The following ALG10B variants were observed in gnomAD, a reference collection of about 807,000 sequenced individuals.
ALG10B encodes the protein ALG10 alpha-1,2-glucosyltransferase B, also known as dol-P-Glc:Glc(2)Man(9)GlcNAc(2)-PP-Dol alpha-1,2-glucosyltransferase B.
ALG10B carries 27 observed loss-of-function variants against 38.7 expected under a neutral mutation model. The observed-to-expected ratio is 0.70, with a 90% confidence interval of 0.51 to 0.96. The LOEUF (loss-of-function observed/expected upper bound fraction) is 0.96. ALG10B is among the 40% of genes least tolerant of loss of function. The pLI, the probability that ALG10B is intolerant of heterozygous loss-of-function variation, is 0.00. For synonymous variants in ALG10B, 177 were observed against 193.3 expected (o/e 0.92, Z 0.70); for missense variants, 522 against 542.7 (o/e 0.96, Z 0.38).
At position 38,316,916 on chromosome 12, in the gene ALG10B, G is replaced by T; in HGVS notation, c.23G>T (p.Cys8Phe). 1 of 1,614,206 alleles carries T rather than the reference G, an allele frequency of 6.2e-7. No homozygotes were observed. Among genetic ancestry groups the T allele is most frequent in the African/African-American group, 1.3e-5 (1 of 75,060 alleles). The change falls in exon 1 of 3, where the codon TGT (cysteine) becomes TTT (phenylalanine). Residue 8 changes from cysteine (C) to phenylalanine (F), a missense_variant. Physicochemically the swap from Cys to Phe is radical, Grantham distance 205 (BLOSUM62 -2). Coordinates refer to ENST00000308742, the MANE Select transcript of ALG10B (RefSeq NM_001013620.4). ...GGAATGGCGCAGCTAGAGGGTTACT[G>T]TTTCTCGGCCGCCTTGAGCTGTACC... MAQLEGY[C>F]FSAALSCTFL...
chr12:38,317,891 C>G (rs1272270314), intron 1 of ALG10B: 1 of 325,162 alleles, frequency 3.1e-6, no homozygotes, highest in Non-Finnish European at 5.9e-6. Context: ...CAGCTGTCAT[C>G]ATGGAGCCTG....
chr12:38,329,038 A>G lies in ALG10B; in HGVS notation c.*7825A>G, dbSNP rs1423511448. ...CAGGCAGCCTGACTCCAAAATCAAT[A>G]TTCTTAACTCTATTGTTATGATGGA... On this transcript the variant is annotated 3_prime_UTR_variant, in exon 3 of 3. Coordinates refer to ENST00000308742, the MANE Select transcript of ALG10B (RefSeq NM_001013620.4). 2.5e-6 allele frequency: 1 copy of G among 394,604 alleles called. No individual in the cohort carries two copies. Among genetic ancestry groups the G allele is most frequent in the Non-Finnish European group, 4.5e-6 (1 of 224,044 alleles). 24.4% of individuals were successfully genotyped at this position (394,604 alleles called of 1,614,324 possible).
rs775066889 is a variant in ALG10B at position 38,317,072 on chromosome 12, G to C, written c.171+8G>C. On this transcript the variant is annotated splice_region_variant and intron_variant, in intron 1 of 2. Transcript: ENST00000308742. ...CATTTCTCCCTTTCCCAGGTGGGGT[G>C]CCCAACCTGTCCCCACCCCAGGAGA... 10 of 1,614,060 alleles carry C rather than the reference G, an allele frequency of 6.2e-6. No individual in the cohort carries two copies. The highest frequency in any genetic ancestry group is 3.3e-5 in the South Asian group (3 of 91,082).
In ALG10B at chr12:38,321,069, G is replaced by A; in HGVS notation, c.1278G>A (p.Arg426=). 6.2e-7 allele frequency: 1 copy of A among 1,613,724 alleles called. No individual in the cohort carries two copies. Among genetic ancestry groups the A allele is most frequent in the South Asian group, 1.1e-5 (1 of 91,046 alleles). ...TCATTTTACCTTATGTCATTTATAGGCTTAACATAACTCTGCCTCCCACAT... is the reference window on the plus strand; with the variant it reads ...TCATTTTACCTTATGTCATTTATAGACTTAACATAACTCTGCCTCCCACAT... ...RYFILPYVIY[R]LNITLPPTSR... is the part of the protein sequence containing the mutation. The change falls in exon 3 of 3, where the codon AGG becomes AGA. Residue 426 remains arginine, a synonymous_variant. Coordinates refer to ENST00000308742, the MANE Select transcript of ALG10B (RefSeq NM_001013620.4).
chr12:38,318,486 T>C (rs367759246), intron 2 of ALG10B, 28 bp downstream of exon 2: 38 of 1,595,932 alleles, frequency 2.4e-5, no homozygotes. Flanking sequence ...TAATTACAAG[T>C]TTATGTGTAG....
At chr12:38,317,275 G>A in intron 1 of ALG10B, 1 of 739,730 alleles carries the variant, frequency 1.4e-6, no homozygotes, top group East Asian at 2.8e-5. Context: ...CTGATCCCCA[G>A]GGAGGAGTGA....
Position 38,323,960 on chromosome 12 carries a change from A to G in ALG10B, c.*2747A>G. The G allele has an allele frequency of 1.4e-6, 1 of 701,334 alleles. No individual in the cohort carries two copies. The allele number at this position is 701,334 out of a possible 1,614,324, so 43.4% of individuals were successfully genotyped here. On this transcript the variant is annotated 3_prime_UTR_variant, in exon 3 of 3. Transcript: ENST00000308742. ...TTCCACTCTGATCTAGTCTGGCAAAATTGAGGAAAATATTCTACCCTGTAA... is the reference window on the plus strand; with the variant it reads ...TTCCACTCTGATCTAGTCTGGCAAAGTTGAGGAAAATATTCTACCCTGTAA...
Position 38,329,682 on chromosome 12 carries a change from GTTT to G in ALG10B, c.*8472_*8474del, listed in dbSNP as rs1400771640. The G allele has an allele frequency of 6.7e-6, 1 of 149,686 alleles. No individual in the cohort carries two copies. Among genetic ancestry groups the G allele is most frequent in the South Asian group, 2.1e-4 (1 of 4,730 alleles). 9.3% of individuals were successfully genotyped at this position (149,686 alleles called of 1,614,324 possible). A position where few individuals can be genotyped will look rare whatever the true frequency, so the allele number is the denominator to read the frequency against. Reference sequence around the variant, plus strand: ...ATAAAAAAGTTTGTTCAAATAGCATGTTTTTATTTTGTTTCTAAATAAATTCAT... The same window carrying G: ...ATAAAAAAGTTTGTTCAAATAGCATGTTATTTTGTTTCTAAATAAATTCAT... On this transcript the variant is annotated 3_prime_UTR_variant, in exon 3 of 3. Coordinates refer to ENST00000308742, the MANE Select transcript of ALG10B (RefSeq NM_001013620.4).
Position 38,320,191 on chromosome 12 carries a change from A to G in ALG10B, c.400A>G (p.Thr134Ala). The change falls in exon 3 of 3, where the codon ACA becomes GCA. Residue 134 changes from threonine to alanine, a missense_variant. Thr to Ala is a moderately conservative substitution (Grantham distance 58, BLOSUM62 0). Transcript: ENST00000308742. ...CTCAAGTATCCAGAGAGTCTTGTCA[A>G]CATTAACACTAGCAGTATTTCCAAC... The part of the protein sequence containing the change: ...AASSIQRVLS[T>A]LTLAVFPTLY... 1 of 1,614,048 alleles carries G rather than the reference A, an allele frequency of 6.2e-7. No individual in the cohort carries two copies. The highest frequency in any genetic ancestry group is 8.5e-7 in the Non-Finnish European group (1 of 1,179,918).
At position 38,321,149 on chromosome 12, in the gene ALG10B, A is replaced by T. The variant is rs1383625028; in HGVS notation, c.1358A>T (p.Tyr453Phe). ...GCAATTGTTAATTTCATAACTTTTT[A>T]CATCTTTCTGAACAAGACTTTTCAG... ...CYAIVNFITF[Y>F]IFLNKTFQWP... Residue 453 changes from tyrosine to phenylalanine, a missense_variant, in exon 3 of 3, where the codon TAC (tyrosine) becomes TTC (phenylalanine). Transcript: ENST00000308742. The T allele has an allele frequency of 5.6e-6, 9 of 1,612,890 alleles. No homozygotes were observed. The highest frequency in any genetic ancestry group is 3.3e-5 in the South Asian group (3 of 90,764).
intron 2 of ALG10B, 43 bp downstream of exon 2, chr12:38,318,501 G>T (rs1166949321): frequency 7.2e-6 from 11 of 1,527,976 alleles, no homozygotes; most frequent in Admixed American, 3.3e-5. Flanking sequence ...GTGTAGTCAG[G>T]TCCACAATTA....
chr12:38,323,690 A>G lies in ALG10B; in HGVS notation c.*2477A>G. The G allele has an allele frequency of 1.9e-6, 1 of 537,494 alleles. No individual in the cohort carries two copies. Among genetic ancestry groups the G allele is most frequent in the East Asian group, 3.0e-5 (1 of 33,572 alleles). 33.3% of individuals were successfully genotyped at this position (537,494 alleles called of 1,614,324 possible). ...TTTTTGGTTGTACTCTAGTACTCAG[A>G]AAATAGATCGGCATTAGTTATAACA... On this transcript the variant is annotated 3_prime_UTR_variant, in exon 3 of 3. Transcript: ENST00000308742.
In ALG10B at chr12:38,321,346, A is replaced by C. The variant is rs527322051; in HGVS notation, c.*133A>C. On this transcript the variant is annotated 3_prime_UTR_variant, in exon 3 of 3. Transcript: ENST00000308742. ...GTCCTCAAATTACATTAGTTTTTTT[A>C]ATATATATTTTAAACATATGTAAGA... The C allele has an allele frequency of 1.1e-6, 1 of 900,268 alleles. No individual in the cohort carries two copies. The highest frequency in any genetic ancestry group is 1.6e-6 in the Non-Finnish European group (1 of 630,452). The allele number at this position is 900,268 out of a possible 1,614,324, so 55.8% of individuals were successfully genotyped here.
chr12:38,316,983 G>T lies in ALG10B; in HGVS notation c.90G>T (p.Ala30=). Residue 30 remains alanine (A), a synonymous_variant, in exon 1 of 3, where the codon GCG becomes GCT. Transcript: ENST00000308742. ...SCLLFSAFSR[A]LREPYMDEIF... is the part of the protein sequence containing the mutation. ...TCCTCTTCTCCGCCTTCAGCCGGGCGCTGCGAGAGCCCTACATGGACGAGA... is the reference window on the plus strand; with the variant it reads ...TCCTCTTCTCCGCCTTCAGCCGGGCTCTGCGAGAGCCCTACATGGACGAGA... 1.2e-6 allele frequency: 2 copies of T among 1,614,058 alleles called. No homozygotes were observed. The highest frequency in any genetic ancestry group is 1.7e-6 in the Non-Finnish European group (2 of 1,180,008).
At chr12:38,317,986 A>G (rs1945669655) in intron 1 of ALG10B, 1 of 459,088 alleles carries the variant, frequency 2.2e-6, no homozygotes, top group African/African-American at 2.0e-5. Flanking sequence ...TTATTTATCA[A>G]AATAAAGGCT....
chr12:38,319,787 A>AAG, intron 2 of ALG10B, among the ~76,000 whole-genome samples: 1 of 152,210 alleles, frequency 6.6e-6, no homozygotes, highest in Non-Finnish European at 1.5e-5. Flanking sequence ...TATTGAAGGC[A>AAG]CTAAAACATA....
chr12:38,325,570 T>A lies in ALG10B; in HGVS notation c.*4357T>A, dbSNP rs1305781689. The A allele has an allele frequency of 6.6e-6, 1 of 152,208 alleles. No individual in the cohort carries two copies. The highest frequency in any genetic ancestry group is 1.5e-5 in the Non-Finnish European group (1 of 68,022). 9.4% of individuals were successfully genotyped at this position (152,208 alleles called of 1,614,324 possible). On this transcript the variant is annotated 3_prime_UTR_variant, in exon 3 of 3. Coordinates refer to ENST00000308742, the MANE Select transcript of ALG10B (RefSeq NM_001013620.4). ...CAAGCGTTTATTATCTTTGAAGTAA[T>A]TGGAATTTCATTAAAAAGTGAAGCA...
In ALG10B at chr12:38,321,161, A is replaced by G. The variant is rs1228374645; in HGVS notation, c.1370A>G (p.Asn457Ser). 6.2e-7 allele frequency: 1 copy of G among 1,612,620 alleles called. No individual in the cohort carries two copies. ...TTCATAACTTTTTACATCTTTCTGA[A>G]CAAGACTTTTCAGTGGCCAAATAGT... ...VNFITFYIFL[N>S]KTFQWPNSQD... The change falls in exon 3 of 3, where the codon AAC becomes AGC. Residue 457 changes from asparagine to serine, a missense_variant. Transcript: ENST00000308742.
chr12:38,319,670 T>A (rs1945684496), intron 2 of ALG10B, among the ~76,000 whole-genome samples: 1 of 152,188 alleles, frequency 6.6e-6, no homozygotes, highest in African/African-American at 2.4e-5. Context: ...AAAAAGTAAG[T>A]CTGGATATGG....
Sources: allele counts gnomAD v4.1 joint callset (sites outside exome capture counted in the v4.1 genomes callset), GRCh38; gene constraint gnomAD v4.1.1; transcripts MANE v1.5; gene names NCBI Gene and HGNC (gene_info 2026-07-23, HGNC 2026-07-21).